TMEM132C: variants seen among roughly 807,000 people sequenced by gnomAD.
TMEM132C encodes the protein transmembrane protein 132C.
A neutral mutation model predicts 61.4 loss-of-function variants in TMEM132C; 29 were observed. That is an observed-to-expected ratio of 0.47 (90% CI 0.35 to 0.64). The LOEUF (loss-of-function observed/expected upper bound fraction) is 0.64, where lower values mean the gene tolerates loss of function less well. Ranked by LOEUF, TMEM132C falls within the 30% of genes least tolerant of loss-of-function variation. The probability of loss-of-function intolerance (pLI) is 0.00; values close to 1 mark genes in which losing one functional copy is unlikely to be tolerated. For synonymous variants in TMEM132C, 656 were observed against 633.1 expected (o/e 1.04, Z -0.54); for missense variants, 1,408 against 1,476.9 (o/e 0.95, Z 0.76).
chr12:128,534,956 T>C (rs1452557033), intron 2 of TMEM132C, among the ~76,000 whole-genome samples: 1 of 152,038 alleles, frequency 6.6e-6, no homozygotes, highest in Non-Finnish European at 1.5e-5. Flanking sequence ...TTGAGAAAAA[T>C]CCAAATGCAG....
chr12:128,514,620 G>A (rs929656188), intron 2 of TMEM132C, among the ~76,000 whole-genome samples: 2 of 152,182 alleles, frequency 1.3e-5, no homozygotes, highest in Non-Finnish European at 2.9e-5. Context: ...AAGAAGAGTT[G>A]ATATGTTGTT....
intron 4 of TMEM132C, among the ~76,000 whole-genome samples, chr12:128,636,393 A>T (rs1434954870): frequency 1.3e-5 from 2 of 152,248 alleles, no homozygotes; most frequent in East Asian, 3.9e-4. Context: ...GGTATAATTG[A>T]TGTATCAAAA....
intron 1 of TMEM132C, among the ~76,000 whole-genome samples, chr12:128,325,852 C>T (rs913651763): frequency 1.2e-4 from 19 of 152,110 alleles, no homozygotes; most frequent in African/African-American, 4.6e-4. Context: ...TTTCAGTGAC[C>T]TGAGGTCATC....
At chr12:128,697,087 G>A (rs375244288) in intron 7 of TMEM132C, 137 bp from the exon 8 acceptor site, 2 of 669,826 alleles carry the variant, frequency 3.0e-6, no homozygotes, top group South Asian at 2.9e-5. Flanking sequence ...AGCATATAGA[G>A]TGAAGTAGAT....
At chr12:128,461,633 G>T (rs982441254) in intron 2 of TMEM132C, among the ~76,000 whole-genome samples, 12 of 152,166 alleles carry the variant, frequency 7.9e-5, no homozygotes, top group African/African-American at 2.9e-4. Flanking sequence ...TTGAGGGAAT[G>T]ATGGGTACTG....
chr12:128,298,439 C>T (rs1219285297), intron 1 of TMEM132C, among the ~76,000 whole-genome samples: 1 of 151,974 alleles, frequency 6.6e-6, no homozygotes, highest in African/African-American at 2.4e-5. Context: ...TAAATAGAGA[C>T]TCACAGGAAG....
At chr12:128,690,473 C>A (rs1158028050) in intron 5 of TMEM132C, among the ~76,000 whole-genome samples, 1 of 152,186 alleles carries the variant, frequency 6.6e-6, no homozygotes. Flanking sequence ...TGCACGGCTA[C>A]TTCATACCCT....
chr12:128,318,598 A>G (rs997462328), intron 1 of TMEM132C, among the ~76,000 whole-genome samples: 2 of 152,202 alleles, frequency 1.3e-5, no homozygotes, highest in African/African-American at 4.8e-5. Flanking sequence ...TCCATAACGT[A>G]ATTGAAACCC....
chr12:128,481,071 G>A (rs959456751), intron 2 of TMEM132C, among the ~76,000 whole-genome samples: 1 of 152,146 alleles, frequency 6.6e-6, no homozygotes, highest in Non-Finnish European at 1.5e-5. Context: ...AGGTGCATGT[G>A]AGTTGCTCAT....
intron 1 of TMEM132C, among the ~76,000 whole-genome samples, chr12:128,363,395 A>C (rs919503252): frequency 6.6e-6 from 1 of 152,226 alleles, no homozygotes; most frequent in Non-Finnish European, 1.5e-5. Context: ...AATCACTGGA[A>C]CATGAGGCCT....
intron 2 of TMEM132C, among the ~76,000 whole-genome samples, chr12:128,456,242 T>A (rs73440655): frequency 2.7e-3 from 404 of 152,228 alleles, no homozygotes; most frequent in African/African-American, 9.5e-3. Flanking sequence ...TGAGACCCGA[T>A]GCAGTCTTCA....
At chr12:128,301,100 T>G (rs894833476) in intron 1 of TMEM132C, among the ~76,000 whole-genome samples, 3 of 152,018 alleles carry the variant, frequency 2.0e-5, no homozygotes, top group African/African-American at 7.2e-5. Context: ...CCTTTTACCA[T>G]GCACACTGAT....
chr12:128,543,452 T>G (rs1178203135), intron 2 of TMEM132C, among the ~76,000 whole-genome samples: 1 of 152,156 alleles, frequency 6.6e-6, no homozygotes, highest in Non-Finnish European at 1.5e-5. Flanking sequence ...CTAGTAGTAT[T>G]GACACTGTGG....
intron 4 of TMEM132C, among the ~76,000 whole-genome samples, chr12:128,629,284 A>G (rs1028027271): frequency 1.3e-5 from 2 of 151,894 alleles, no homozygotes; most frequent in African/African-American, 4.8e-5. Flanking sequence ...GGAGGCCAAG[A>G]TAGGAAGGTG....
intron 2 of TMEM132C, among the ~76,000 whole-genome samples, chr12:128,540,678 C>T (rs1433772285): frequency 1.3e-5 from 2 of 152,176 alleles, no homozygotes. Flanking sequence ...AAACTACTTC[C>T]TCTGCTCTCA....
chr12:128,567,424 CCATAGACA>C (rs1292844123), intron 3 of TMEM132C, among the ~76,000 whole-genome samples: 3 of 128,892 alleles, frequency 2.3e-5, no homozygotes, highest in African/African-American at 9.1e-5. Flanking sequence ...GTCCACATAC[CCATAGACA>C]CACACACACA....
At chr12:128,294,377 A>G (rs1683708) in intron 1 of TMEM132C, among the ~76,000 whole-genome samples, 34,734 of 152,106 alleles carry the variant, frequency 0.23, 4,472 homozygotes, top group East Asian at 0.5. Flanking sequence ...AGTGACTCAC[A>G]CAGCAAGGTG....
At chr12:128,410,689 C>T (rs1054838744) in intron 1 of TMEM132C, among the ~76,000 whole-genome samples, 3 of 152,160 alleles carry the variant, frequency 2.0e-5, no homozygotes, top group Non-Finnish European at 1.5e-5. Flanking sequence ...CAGGCGTGAG[C>T]CACCGCGCCT....
chr12:128,477,899 T>C (rs1000310505), intron 2 of TMEM132C, among the ~76,000 whole-genome samples: 4 of 152,184 alleles, frequency 2.6e-5, no homozygotes, highest in African/African-American at 4.8e-5. Context: ...CACCTTTTTA[T>C]TATAAGTCCC....
Sources: gnomAD v4.1 joint callset for allele counts (sites outside exome capture counted in the v4.1 genomes callset) on GRCh38, gnomAD v4.1.1 for gene constraint, MANE v1.5 for transcripts, NCBI Gene and HGNC (gene_info 2026-07-23, HGNC 2026-07-21) for gene names.